Variants in XKR9 observed in about 807,000 individuals in gnomAD.
XKR9 encodes XK related 9, also known as XK-related protein 9.
Under a neutral mutation model 32.0 loss-of-function variants are expected in XKR9, and 32 were observed. The ratio of observed to expected loss-of-function variants is 1.00; its 90% confidence interval spans 0.76 to 1.34. The LOEUF (loss-of-function observed/expected upper bound fraction) is 1.34. XKR9 is among the 40% of genes most tolerant of loss of function. The pLI, the probability that XKR9 is intolerant of heterozygous loss-of-function variation, is 0.00. For missense variants in XKR9, 546 were observed against 429.7 expected, an observed-to-expected ratio of 1.27 and a Z score of -2.39; for synonymous variants, 168 against 143.4, an observed-to-expected ratio of 1.17 and a Z score of -1.22.
chr8:70,695,137 T>C (rs551594603), intron 3 of XKR9, among the ~76,000 whole-genome samples: 1 of 151,278 alleles, frequency 6.6e-6, no homozygotes, highest in African/African-American at 2.4e-5. Flanking sequence ...TCTTTTTTTT[T>C]TTTTTTTTCT....
chr8:70,790,738 G>A (rs1807753561), downstream of XKR9, among the ~76,000 whole-genome samples: 2 of 151,960 alleles, frequency 1.3e-5, no homozygotes, highest in African/African-American at 4.8e-5. Context: ...GTTTTTTCCT[G>A]TAAGGCATAA....
chr8:70,832,721 GTT>G, the XKR9 span, among the ~76,000 whole-genome samples: 1 of 152,190 alleles, frequency 6.6e-6, no homozygotes, highest in Non-Finnish European at 1.5e-5. Context: ...TATTAGCTCT[GTT>G]TTACAAATGA....
In XKR9 at chr8:70,783,050, G is replaced by GA. The variant is rs543499195; in HGVS notation, n.353-6287dup. Among the ~76,000 whole-genome samples the GA allele has an allele frequency of 1.7e-3, 253 of 152,180 alleles. 1 individual carries two copies. The highest frequency in any genetic ancestry group is 5.7e-3 in the African/African-American group (237 of 41,520). ...ACATTCCTAGCAATAATAGAAGGTT[G>GA]AACCACCAAGGGTTCCCTTTTTGTC... On this transcript the variant is annotated intron_variant and non_coding_transcript_variant, in intron 2 of 3. Transcript: ENST00000520273.
chr8:70,802,222 C>T, the XKR9 span, among the ~76,000 whole-genome samples: 2 of 152,212 alleles, frequency 1.3e-5, no homozygotes, highest in Non-Finnish European at 2.9e-5. Context: ...AGGCGTGAGC[C>T]ACCGCGCCCG....
chr8:71,028,721 T>C, the XKR9 span, among the ~76,000 whole-genome samples: 1 of 152,186 alleles, frequency 6.6e-6, no homozygotes, highest in East Asian at 1.9e-4. Context: ...CTTTGTACCC[T>C]GTAAGTATAT....
chr8:70,779,605 G>T (rs1386925011), intron 2 of XKR9, among the ~76,000 whole-genome samples: 1 of 152,092 alleles, frequency 6.6e-6, no homozygotes, highest in Non-Finnish European at 1.5e-5. Flanking sequence ...TGGTTGGTAG[G>T]CTATTAATTA....
intron 2 of XKR9, among the ~76,000 whole-genome samples, chr8:70,760,910 G>A (rs1469300865): frequency 1.3e-5 from 2 of 152,096 alleles, no homozygotes; most frequent in African/African-American, 2.4e-5. Context: ...TTCCCCCTAT[G>A]TGTCCATGTG....
At chr8:70,669,790 C>T (rs1377769321) in intron 1 of XKR9, among the ~76,000 whole-genome samples, 2 of 151,732 alleles carry the variant, frequency 1.3e-5, no homozygotes, top group East Asian at 1.9e-4. Flanking sequence ...CCTCGGCCTC[C>T]CGAGTAGCTG....
chr8:70,955,127 T>A, the XKR9 span, among the ~76,000 whole-genome samples: 1 of 152,244 alleles, frequency 6.6e-6, no homozygotes, highest in South Asian at 2.1e-4. Context: ...GACTTCTGTG[T>A]GACCTTAGGG....
chr8:70,732,171 G>C (rs1806690678), intron 4 of XKR9, among the ~76,000 whole-genome samples: 1 of 152,084 alleles, frequency 6.6e-6, no homozygotes, highest in Non-Finnish European at 1.5e-5. Flanking sequence ...CCCCACAATG[G>C]GGCTGTGGAC....
chr8:70,840,991 T>C, the XKR9 span, among the ~76,000 whole-genome samples: 6 of 152,206 alleles, frequency 3.9e-5, no homozygotes, highest in African/African-American at 1.2e-4. Context: ...GGTAGACCAG[T>C]TACTAAAATA....
chr8:70,692,028 A>T (rs956507235), intron 3 of XKR9, among the ~76,000 whole-genome samples: 4 of 151,728 alleles, frequency 2.6e-5, no homozygotes, highest in African/African-American at 9.7e-5. Context: ...AATGATATTG[A>T]TTCTTATTTA....
chr8:71,023,797 G>A, the XKR9 span, among the ~76,000 whole-genome samples: 4 of 152,208 alleles, frequency 2.6e-5, no homozygotes, highest in Non-Finnish European at 5.9e-5. Flanking sequence ...ATGCATGCAG[G>A]AAGGCACCAG....
chr8:70,858,797 T>C, the XKR9 span, among the ~76,000 whole-genome samples: 3 of 152,020 alleles, frequency 2.0e-5, no homozygotes, highest in Non-Finnish European at 2.9e-5. Flanking sequence ...GAAAACTAGA[T>C]AACTACATGC....
the XKR9 span, among the ~76,000 whole-genome samples, chr8:70,799,477 C>T: frequency 6.6e-6 from 1 of 151,986 alleles, no homozygotes; most frequent in African/African-American, 2.4e-5. Flanking sequence ...ACTACTGGTG[C>T]GTGCCACCAT....
chr8:70,954,430 G>A, the XKR9 span, among the ~76,000 whole-genome samples: 1 of 152,182 alleles, frequency 6.6e-6, no homozygotes, highest in Non-Finnish European at 1.5e-5. Context: ...CTTGATATCT[G>A]CAAAAGATTA....
the XKR9 span, among the ~76,000 whole-genome samples, chr8:70,823,920 TA>T: frequency 2.8e-3 from 434 of 152,296 alleles, 12 homozygotes; most frequent in East Asian, 0.07. Flanking sequence ...CTGTTTTACC[TA>T]AAGTAGAAAT....
At chr8:70,736,466 T>G (rs56143283), downstream of XKR9, among the ~76,000 whole-genome samples, 1,520 of 152,222 alleles carry the variant, frequency 1.0e-2, 21 homozygotes, top group African/African-American at 0.034. Context: ...AAGCTCTTTA[T>G]TTTAATTAGA....
At chr8:70,797,387 G>A in the XKR9 span, among the ~76,000 whole-genome samples, 3 of 151,984 alleles carry the variant, frequency 2.0e-5, no homozygotes, top group Non-Finnish European at 4.4e-5. Context: ...CTAAGTGCCC[G>A]CCTCTACTTG....
Sources: allele counts gnomAD v4.1 joint callset (sites outside exome capture counted in the v4.1 genomes callset), GRCh38; gene constraint gnomAD v4.1.1; transcripts MANE v1.5; gene names NCBI Gene and HGNC (gene_info 2026-07-23, HGNC 2026-07-21).